Variants in PIBF1 observed in about 807,000 individuals in gnomAD.
PIBF1 encodes progesterone-induced-blocking factor 1.
A neutral mutation model predicts 112.5 loss-of-function variants in PIBF1; 90 were observed. That is an observed-to-expected ratio of 0.80 (90% CI 0.67 to 0.95). The LOEUF is 0.95. Among genes scored for constraint, PIBF1 ranks in the 40% least tolerant of loss-of-function variants. The pLI, the probability that PIBF1 is intolerant of heterozygous loss-of-function variation, is 0.00. For synonymous variants in PIBF1, 301 were observed against 288.6 expected, an observed-to-expected ratio of 1.04 and a Z score of -0.44; for missense variants, 915 against 852.3, an observed-to-expected ratio of 1.07 and a Z score of -0.92.
At chr13:72,837,506 A>G (rs1040400382) in intron 9 of PIBF1, among the ~76,000 whole-genome samples, 2 of 152,094 alleles carry the variant, frequency 1.3e-5, no homozygotes, top group African/African-American at 2.4e-5. Flanking sequence ...ATATGTTTGC[A>G]TGTATGTGTA....
intron 4 of PIBF1, 66 bp from the exon 5 acceptor site, chr13:72,797,841 C>A: frequency 1.5e-6 from 2 of 1,315,836 alleles, no homozygotes; most frequent in Non-Finnish European, 2.1e-6. Flanking sequence ...AGTGAGAGCA[C>A]TACAAATTAC....
At chr13:72,973,855 T>C (rs1298045757) in intron 16 of PIBF1, 180 bp downstream of exon 16, 1 of 513,312 alleles carries the variant, frequency 1.9e-6, no homozygotes, top group Non-Finnish European at 3.4e-6. Context: ...TTAATTCTTA[T>C]TCCTAGAATA....
chr13:72,935,296 T>C (rs2041836531), intron 14 of PIBF1, among the ~76,000 whole-genome samples: 1 of 152,166 alleles, frequency 6.6e-6, no homozygotes, highest in South Asian at 2.1e-4. Context: ...TCCTAGACTT[T>C]TATATAAGAG....
rs528600365 is a variant in PIBF1, at chr13:72,784,033, A to G, written c.252+312A>G. On this transcript the variant is annotated intron_variant, in intron 2 of 17. Coordinates refer to ENST00000326291, the MANE Select transcript of PIBF1 (RefSeq NM_006346.4). ...GGTGGCTATAGTTAATGACATTGTA[A>G]TCTTGGAAAACATTGTGTTTTTGAA... 7.5e-4 allele frequency among the ~76,000 whole-genome samples: 114 copies of G among 151,834 alleles called. 1 individual carries two copies. The highest frequency in any genetic ancestry group is 1.4e-3 in the Non-Finnish European group (92 of 68,018).
chr13:72,950,886 T>C (rs553805932), intron 14 of PIBF1, among the ~76,000 whole-genome samples: 4 of 152,320 alleles, frequency 2.6e-5, no homozygotes, highest in African/African-American at 9.6e-5. Context: ...TGAAGAAGAT[T>C]GCGGACAGTT....
intron 17 of PIBF1, among the ~76,000 whole-genome samples, chr13:73,012,393 A>G (rs1289909688): frequency 6.6e-6 from 1 of 152,032 alleles, no homozygotes; most frequent in Non-Finnish European, 1.5e-5. Context: ...TAACCTGATT[A>G]GTACAGTGGA....
chr13:72,923,352 A>G (rs2041365536), intron 13 of PIBF1, among the ~76,000 whole-genome samples: 1 of 152,110 alleles, frequency 6.6e-6, no homozygotes, highest in African/African-American at 2.4e-5. Flanking sequence ...AAGAAGTGCT[A>G]AGAGAGCTAA....
intron 16 of PIBF1, among the ~76,000 whole-genome samples, chr13:72,979,904 G>A (rs895057583): frequency 3.3e-5 from 5 of 151,932 alleles, no homozygotes; most frequent in African/African-American, 4.8e-5. Context: ...CCTTGGCAAC[G>A]ACAGAGCAAG....
chr13:72,894,772 AGTGTGTGTGT>A (rs35885902), intron 11 of PIBF1, among the ~76,000 whole-genome samples: 13 of 137,218 alleles, frequency 9.5e-5, no homozygotes, highest in African/African-American at 2.6e-4. Flanking sequence ...ATATATATAT[AGTGTGTGTGT>A]GTGTGTGTGT....
chr13:73,015,904 A>G lies in PIBF1; in HGVS notation c.2259A>G (p.Gln753=). The G allele has an allele frequency of 6.3e-7, 1 of 1,589,838 alleles. No individual in the cohort carries two copies. ...AAGCACCTGAGTGGTCTAAGAAACA[A>G]AAGATGAAGACCTAGTGTTTTGGAT... ...KKEAPEWSKK[Q]KMKT Residue 753 remains glutamine (Q), a synonymous_variant, in exon 18 of 18, where the codon CAA becomes CAG. Coordinates refer to ENST00000326291, the MANE Select transcript of PIBF1 (RefSeq NM_006346.4).
chr13:72,998,374 C>T (rs2043748732), intron 16 of PIBF1, among the ~76,000 whole-genome samples: 1 of 152,008 alleles, frequency 6.6e-6, no homozygotes, highest in African/African-American at 2.4e-5. Context: ...TACTCAGGCA[C>T]TGAGGCAGGA....
chr13:72,859,284 A>G (rs1428713526), intron 10 of PIBF1, among the ~76,000 whole-genome samples: 1 of 152,166 alleles, frequency 6.6e-6, no homozygotes, highest in Non-Finnish European at 1.5e-5. Flanking sequence ...GGGGTAAAGC[A>G]TGGAAATGAG....
At chr13:72,971,134 TTACAC>T (rs1014266802) in intron 15 of PIBF1, among the ~76,000 whole-genome samples, 4 of 151,962 alleles carry the variant, frequency 2.6e-5, no homozygotes, top group African/African-American at 9.7e-5. Flanking sequence ...TCCATTCCGA[TTACAC>T]TACATATTCT....
rs755036768 is a variant in PIBF1, at chr13:72,965,425, T to C, written c.1964+21T>C. On this transcript the variant is annotated intron_variant, in intron 15 of 17. Coordinates refer to ENST00000326291, the MANE Select transcript of PIBF1 (RefSeq NM_006346.4). ...GTCAGGTAAACCATCTACAAATCTT[T>C]TATTTGAATAATAAAGACATTGTTA... is the stretch of plus-strand genomic sequence containing the variant. 3 of 1,582,518 alleles carry C rather than the reference T, an allele frequency of 1.9e-6. No individual in the cohort carries two copies. The Admixed American group carries it at 5.4e-5, about 29-fold the overall frequency.
chr13:72,819,167 T>A (rs1001590992), intron 5 of PIBF1, among the ~76,000 whole-genome samples: 2 of 152,072 alleles, frequency 1.3e-5, no homozygotes, highest in Non-Finnish European at 2.9e-5. Flanking sequence ...ATAATATAAA[T>A]TTGTGAAGCC....
chr13:72,960,627 C>A (rs1186438577), intron 14 of PIBF1, among the ~76,000 whole-genome samples: 1 of 152,078 alleles, frequency 6.6e-6, no homozygotes, highest in Admixed American at 6.6e-5. Flanking sequence ...TTATTCCCTG[C>A]CACCCTTTCC....
intron 16 of PIBF1, among the ~76,000 whole-genome samples, chr13:72,986,676 CTTTTTTTTTTTTTT>C (rs765529786): frequency 1.1e-5 from 1 of 89,006 alleles, no homozygotes; most frequent in Non-Finnish European, 2.1e-5. Flanking sequence ...TTTCTGTCAT[CTTTTTTTTTTTTTT>C]TTTTTTTTTT....
intron 11 of PIBF1, chr13:72,901,124 G>C (rs1165355675): frequency 4.6e-6 from 2 of 434,080 alleles, no homozygotes; most frequent in Non-Finnish European, 9.2e-6. Context: ...AGAGTAAACA[G>C]ACAACCCACA....
intron 16 of PIBF1, among the ~76,000 whole-genome samples, chr13:72,976,460 G>A (rs1376632403): frequency 6.6e-6 from 1 of 152,100 alleles, no homozygotes; most frequent in Non-Finnish European, 1.5e-5. Flanking sequence ...TGCATATTTA[G>A]ATAATTGTCA....
Sources: gnomAD v4.1 joint callset for allele counts (sites outside exome capture counted in the v4.1 genomes callset) on GRCh38, gnomAD v4.1.1 for gene constraint, MANE v1.5 for transcripts, NCBI Gene and HGNC (gene_info 2026-07-23, HGNC 2026-07-21) for gene names.